Variants in CENPK observed in about 807,000 individuals in gnomAD.
CENPK encodes SoxLZ/Sox6-binding protein Solt.
Under a neutral mutation model 40.9 loss-of-function variants are expected in CENPK, and 46 were observed. The observed-to-expected ratio is 1.13, with a 90% CI of 0.89 to 1.44. The LOEUF (loss-of-function observed/expected upper bound fraction) is 1.44. CENPK is among the 40% of genes most tolerant of loss of function. The pLI is 0.00. For synonymous variants in CENPK, 107 were observed against 104.4 expected, an observed-to-expected ratio of 1.02 and a Z score of -0.15; for missense variants, 288 against 303.5, an observed-to-expected ratio of 0.95 and a Z score of 0.38.
chr5:65,551,496 T>C (rs1296255911), intron 5 of CENPK, 68 bp downstream of exon 5: 1 of 890,038 alleles, frequency 1.1e-6, no homozygotes, highest in Admixed American at 3.0e-5. Context: ...TAATTTTTCC[T>C]ACAATTATTA....
In CENPK at chr5:65,523,246, CTCTT is replaced by C. The variant is rs549602122; in HGVS notation, c.598-1722_598-1719del. 3.9e-4 allele frequency among the ~76,000 whole-genome samples: 60 copies of C among 152,272 alleles called. 1 individual carries two copies. The South Asian group carries it at 6.4e-3, about 16-fold the overall frequency. Reference sequence around the variant, plus strand: ...AAACTTTGATAGCCACATATTCTATCTCTTTAAGTTATTGTTAAAAATGTTCAAC... The same window carrying C: ...AAACTTTGATAGCCACATATTCTATCTAAGTTATTGTTAAAAATGTTCAAC... On this transcript the variant is annotated intron_variant, in intron 9 of 10. Coordinates refer to ENST00000396679, the MANE Select transcript of CENPK (RefSeq NM_022145.5).
intron 6 of CENPK, among the ~76,000 whole-genome samples, chr5:65,531,482 A>G (rs1745821177): frequency 1.3e-5 from 2 of 151,670 alleles, no homozygotes; most frequent in African/African-American, 4.8e-5. Context: ...CAGTAATCAG[A>G]TGAGAATTCA....
intron 2 of CENPK, among the ~76,000 whole-genome samples, chr5:65,560,027 C>A (rs1338885658): frequency 2.0e-5 from 3 of 151,552 alleles, no homozygotes; most frequent in Non-Finnish European, 4.4e-5. Flanking sequence ...ATTCCTCACT[C>A]CCTCAAAAAA....
chr5:65,496,451 A>G, the CENPK span, among the ~76,000 whole-genome samples: 4 of 152,324 alleles, frequency 2.6e-5, no homozygotes, highest in African/African-American at 9.6e-5. Flanking sequence ...AGCCTTAAAA[A>G]TGTTTTTTCT....
At chr5:65,521,953 A>G (rs1162043670) in intron 9 of CENPK, among the ~76,000 whole-genome samples, 1 of 152,192 alleles carries the variant, frequency 6.6e-6, no homozygotes, top group Non-Finnish European at 1.5e-5. Flanking sequence ...AGTAACTAAA[A>G]TCAAATATTT....
chr5:65,514,799 A>C (rs192202697), downstream of CENPK, among the ~76,000 whole-genome samples: 39 of 152,326 alleles, frequency 2.6e-4, no homozygotes, highest in Non-Finnish European at 5.0e-4. Context: ...TGCGTCTTTC[A>C]CAAAATTGGT....
At chr5:65,555,370 G>T (rs1750802960) in intron 2 of CENPK, 1 of 155,688 alleles carries the variant, frequency 6.4e-6, no homozygotes, top group Non-Finnish European at 1.4e-5. Context: ...TGACTGCCAT[G>T]TTTCCACAGT....
At chr5:65,517,713 C>T (rs1030311604), downstream of CENPK, 11 of 151,984 alleles carry the variant, frequency 7.2e-5, no homozygotes, top group Non-Finnish European at 1.5e-4. Context: ...CTTAGTTTAT[C>T]GGCCTTTAAA....
intron 6 of CENPK, among the ~76,000 whole-genome samples, chr5:65,541,763 T>C (rs1273922297): frequency 1.3e-5 from 2 of 152,202 alleles, no homozygotes; most frequent in Non-Finnish European, 2.9e-5. Flanking sequence ...CATTTCAAAA[T>C]TCTTCCTTCT....
At chr5:65,547,811 CCCA>C (rs1044690963) in intron 5 of CENPK, among the ~76,000 whole-genome samples, 7 of 152,084 alleles carry the variant, frequency 4.6e-5, no homozygotes, top group East Asian at 3.9e-4. Flanking sequence ...ACTGCAGGCG[CCCA>C]CCACAACACC....
At chr5:65,541,373 A>G (rs1488060202) in intron 6 of CENPK, 2 of 456,230 alleles carry the variant, frequency 4.4e-6, no homozygotes, top group East Asian at 7.0e-5. Context: ...AGATTATGTC[A>G]GAACTGAAGT....
intron 9 of CENPK, among the ~76,000 whole-genome samples, chr5:65,525,572 T>C (rs1744551689): frequency 6.6e-6 from 1 of 152,218 alleles, no homozygotes; most frequent in Non-Finnish European, 1.5e-5. Context: ...TTTAGCTTTC[T>C]TCTTTGTATA....
At chr5:65,539,149 T>TG (rs1441829799) in intron 6 of CENPK, among the ~76,000 whole-genome samples, 2 of 152,220 alleles carry the variant, frequency 1.3e-5, no homozygotes, top group Admixed American at 6.5e-5. Flanking sequence ...TGAGAAAGTG[T>TG]CTATGATCCT....
intron 6 of CENPK, among the ~76,000 whole-genome samples, chr5:65,540,089 C>T (rs545967829): frequency 6.6e-6 from 1 of 152,258 alleles, no homozygotes; most frequent in African/African-American, 2.4e-5. Flanking sequence ...TTGGCCACAC[C>T]CTTTAAGTTC....
At chr5:65,508,249 T>C in the CENPK span, among the ~76,000 whole-genome samples, 1 of 152,232 alleles carries the variant, frequency 6.6e-6, no homozygotes, top group African/African-American at 2.4e-5. Context: ...CGCTAAATTA[T>C]TGCTGTGTGT....
chr5:65,556,790 C>T (rs1036551815), intron 2 of CENPK, among the ~76,000 whole-genome samples: 4 of 152,178 alleles, frequency 2.6e-5, no homozygotes, highest in African/African-American at 9.6e-5. Context: ...AAGCCCTAGA[C>T]AGGTGTTCCA....
At chr5:65,526,064 T>C (rs1259753565) in intron 9 of CENPK, among the ~76,000 whole-genome samples, 2 of 152,192 alleles carry the variant, frequency 1.3e-5, no homozygotes, top group African/African-American at 4.8e-5. Context: ...CATGTATCAA[T>C]AGTCCTTATA....
At chr5:65,544,913 C>A (rs990931448) in intron 5 of CENPK, among the ~76,000 whole-genome samples, 2 of 152,080 alleles carry the variant, frequency 1.3e-5, no homozygotes, top group Non-Finnish European at 2.9e-5. Context: ...TATAGAGTTT[C>A]AGATTTGCAA....
At chr5:65,525,886 CCTTT>C (rs1561625743) in intron 9 of CENPK, among the ~76,000 whole-genome samples, 1 of 152,104 alleles carries the variant, frequency 6.6e-6, no homozygotes. Flanking sequence ...ACAGTACCTT[CCTTT>C]CGTCTTGAAC....
Sources: gnomAD v4.1 joint callset for allele counts (sites outside exome capture counted in the v4.1 genomes callset) on GRCh38, gnomAD v4.1.1 for gene constraint, MANE v1.5 for transcripts, NCBI Gene and HGNC (gene_info 2026-07-23, HGNC 2026-07-21) for gene names.